The following MAP4K3 variants were observed in gnomAD, a reference collection of about 807,000 sequenced individuals.
The protein encoded by MAP4K3 is MAPK/ERK kinase kinase kinase 3.
In MAP4K3, 94 loss-of-function variants were observed where a neutral mutation model predicts 143.5. That is an observed-to-expected ratio of 0.65 (90% CI 0.55 to 0.78). The LOEUF (loss-of-function observed/expected upper bound fraction) is 0.78, where lower values mean the gene tolerates loss of function less well. Among genes scored for constraint, MAP4K3 ranks in the 30% least tolerant of loss-of-function variants. The probability of loss-of-function intolerance (pLI) is 0.00; values close to 1 mark genes in which losing one functional copy is unlikely to be tolerated. For synonymous variants in MAP4K3, 416 were observed against 347.2 expected, an observed-to-expected ratio of 1.20 and a Z score of -2.20; for missense variants, 1,077 against 1,068.1, an observed-to-expected ratio of 1.01 and a Z score of -0.12.
intron 28 of MAP4K3, among the ~76,000 whole-genome samples, chr2:39,262,700 T>C (rs186841329): frequency 4.3e-4 from 66 of 152,260 alleles, no homozygotes; most frequent in Non-Finnish European, 8.8e-4. Flanking sequence ...AGGGCAGCAA[T>C]TGTATCTAAT....
intron 1 of MAP4K3, among the ~76,000 whole-genome samples, chr2:39,420,138 G>C (rs1308074856): frequency 6.6e-6 from 1 of 152,068 alleles, no homozygotes; most frequent in Non-Finnish European, 1.5e-5. Flanking sequence ...AGGAATACAA[G>C]AATCCAAAAA....
At chr2:39,304,541 C>CAAAA (rs1199122556) in intron 15 of MAP4K3, among the ~76,000 whole-genome samples, 1 of 152,114 alleles carries the variant, frequency 6.6e-6, no homozygotes, top group Non-Finnish European at 1.5e-5. Context: ...TATCGAAAGT[C>CAAAA]AAAAACAAAA....
chr2:39,256,926 G>A (rs1274873150), intron 31 of MAP4K3, among the ~76,000 whole-genome samples: 1 of 152,202 alleles, frequency 6.6e-6, no homozygotes, highest in African/African-American at 2.4e-5. Context: ...CTTCAGACCT[G>A]TATACTGCTT....
At chr2:39,411,438 T>G (rs955612610) in intron 1 of MAP4K3, among the ~76,000 whole-genome samples, 1 of 152,228 alleles carries the variant, frequency 6.6e-6, no homozygotes, top group East Asian at 1.9e-4. Context: ...ATGGTTTCAG[T>G]GTCTTGTTTA....
At chr2:39,406,590 G>A (rs1030927563) in intron 1 of MAP4K3, among the ~76,000 whole-genome samples, 4 of 152,142 alleles carry the variant, frequency 2.6e-5, no homozygotes, top group Non-Finnish European at 4.4e-5. Context: ...AGTGAGGAAG[G>A]AAAAAGAACT....
chr2:39,263,217 T>A (rs1680633928), intron 28 of MAP4K3, among the ~76,000 whole-genome samples: 1 of 151,800 alleles, frequency 6.6e-6, no homozygotes, highest in Admixed American at 6.6e-5. Flanking sequence ...TATAGAAACA[T>A]CATAAATACT....
chr2:39,369,193 G>GTTTTTTTTTTGT (rs1553419596), intron 2 of MAP4K3, among the ~76,000 whole-genome samples: 1 of 37,978 alleles, frequency 2.6e-5, no homozygotes. Context: ...CTTTGGGCTA[G>GTTTTTTTTTTGT]TTTTTTTTTT....
intron 3 of MAP4K3, among the ~76,000 whole-genome samples, chr2:39,352,485 T>A (rs1023636748): frequency 2.0e-5 from 3 of 152,156 alleles, no homozygotes; most frequent in Non-Finnish European, 4.4e-5. Flanking sequence ...CCAAAAGAAT[T>A]GTAAAGAATA....
At chr2:39,417,369 G>A (rs12328727) in intron 1 of MAP4K3, among the ~76,000 whole-genome samples, 106,046 of 152,080 alleles carry the variant, frequency 0.7, 41,616 homozygotes, top group Non-Finnish European at 0.87. Context: ...ACAGGCGCCT[G>A]TCACCACGCC....
intron 13 of MAP4K3, among the ~76,000 whole-genome samples, chr2:39,312,629 T>G (rs1682980108): frequency 6.6e-6 from 1 of 152,222 alleles, no homozygotes; most frequent in African/African-American, 2.4e-5. Flanking sequence ...GGTGTGTATA[T>G]GCTTTTAAGC....
At chr2:39,346,700 G>A (rs532854918) in intron 3 of MAP4K3, among the ~76,000 whole-genome samples, 4 of 152,158 alleles carry the variant, frequency 2.6e-5, no homozygotes, top group Non-Finnish European at 5.9e-5. Context: ...AGCAGCAATT[G>A]TAAGAACTTG....
intron 2 of MAP4K3, among the ~76,000 whole-genome samples, chr2:39,375,726 A>C (rs113820007): frequency 6.6e-6 from 1 of 152,202 alleles, no homozygotes; most frequent in African/African-American, 2.4e-5. Flanking sequence ...GATTATTCCC[A>C]TAAGACCCTT....
chr2:39,282,359 A>G (rs1276305856), intron 22 of MAP4K3, among the ~76,000 whole-genome samples, 154 bp downstream of exon 22: 3 of 152,176 alleles, frequency 2.0e-5, no homozygotes, highest in Non-Finnish European at 2.9e-5. Context: ...TTAGCGGGGC[A>G]TGGTGACACA....
Position 39,292,670 on chromosome 2 carries a change from G to A in MAP4K3, c.1271+103C>T. 3.4e-6 allele frequency: 3 copies of A among 884,766 alleles called. No individual in the cohort carries two copies. The South Asian group carries it at 4.0e-5, about 12-fold the overall frequency. 54.8% of individuals were successfully genotyped at this position (884,766 alleles called of 1,614,324 possible). ...AAACTGAGATACAACCCATGATATT[G>A]TGTTACTGATATTGAAATTTCCATC... On this transcript the variant is annotated intron_variant, in intron 18 of 33. Coordinates refer to ENST00000263881, the MANE Select transcript of MAP4K3 (RefSeq NM_003618.4).
At chr2:39,309,548 A>ATTTTTTTTTTTT (rs749101883) in intron 13 of MAP4K3, 29 bp from the exon 14 acceptor site, 5 of 339,406 alleles carry the variant, frequency 1.5e-5, no homozygotes, top group South Asian at 7.7e-5. Context: ...TAAAACCAGG[A>ATTTTTTTTTTTT]TTTTTTTTTT....
intron 1 of MAP4K3, among the ~76,000 whole-genome samples, chr2:39,413,428 G>C (rs970069885): frequency 7.9e-5 from 12 of 152,168 alleles, no homozygotes; most frequent in Non-Finnish European, 1.5e-4. Context: ...TGCCAGTGCA[G>C]CCCAGGGGAC....
intron 12 of MAP4K3, chr2:39,315,644 G>A (rs939624882): frequency 4.9e-6 from 2 of 407,424 alleles, no homozygotes; most frequent in African/African-American, 2.1e-5. Flanking sequence ...AAATACATAT[G>A]AAATTAAACA....
At chr2:39,362,725 A>G (rs901575387) in intron 2 of MAP4K3, among the ~76,000 whole-genome samples, 2 of 152,192 alleles carry the variant, frequency 1.3e-5, no homozygotes, top group Admixed American at 1.3e-4. Flanking sequence ...ACCACAAAGA[A>G]CGCCAAATAG....
At chr2:39,343,169 G>C (rs115985284) in intron 4 of MAP4K3, among the ~76,000 whole-genome samples, 1 of 152,140 alleles carries the variant, frequency 6.6e-6, no homozygotes, top group Admixed American at 6.5e-5. Flanking sequence ...TGCCTCTGCA[G>C]AATTAGCAAA....
Sources: gnomAD v4.1 joint callset for allele counts (sites outside exome capture counted in the v4.1 genomes callset) on GRCh38, gnomAD v4.1.1 for gene constraint, MANE v1.5 for transcripts, NCBI Gene and HGNC (gene_info 2026-07-23, HGNC 2026-07-21) for gene names.